PTPRN2: variants seen among roughly 807,000 people sequenced by gnomAD.
PTPRN2 encodes the protein receptor-type tyrosine-protein phosphatase N2.
In PTPRN2, 74 loss-of-function variants were observed where a neutral mutation model predicts 118.8. That is an observed-to-expected ratio of 0.62 (90% CI 0.52 to 0.76). PTPRN2 has a LOEUF of 0.76. Among genes scored for constraint, PTPRN2 ranks in the 30% least tolerant of loss-of-function variants. The pLI is 0.00. For missense variants in PTPRN2, 1,481 were observed against 1,394.4 expected, an observed-to-expected ratio of 1.06 and a Z score of -0.99; for synonymous variants, 641 against 608.0, an observed-to-expected ratio of 1.05 and a Z score of -0.80.
intron 11 of PTPRN2, among the ~76,000 whole-genome samples, chr7:157,970,766 C>A (rs1333993568): frequency 6.6e-6 from 1 of 151,918 alleles, no homozygotes; most frequent in South Asian, 2.1e-4. Context: ...GGAGTGGCTT[C>A]TGTGCCCAGC....
chr7:157,905,026 G>A (rs915195943), intron 11 of PTPRN2, among the ~76,000 whole-genome samples: 3 of 152,284 alleles, frequency 2.0e-5, no homozygotes, highest in Admixed American at 6.5e-5. Context: ...AAATGGCCGC[G>A]TGGATTCCCT....
chr7:158,512,869 G>A (rs1266675122), intron 1 of PTPRN2, among the ~76,000 whole-genome samples: 1 of 152,206 alleles, frequency 6.6e-6, no homozygotes, highest in East Asian at 1.9e-4. Context: ...GCCGAAGCTG[G>A]AACAATGTGA....
intron 1 of PTPRN2, among the ~76,000 whole-genome samples, chr7:158,538,334 C>G (rs539683400): frequency 6.6e-6 from 1 of 152,258 alleles, no homozygotes; most frequent in East Asian, 1.9e-4. Context: ...AAACACTAAC[C>G]CCAGTGGTTC....
intron 12 of PTPRN2, among the ~76,000 whole-genome samples, chr7:157,752,502 C>T (rs1214037504): frequency 6.6e-6 from 1 of 152,190 alleles, no homozygotes; most frequent in Non-Finnish European, 1.5e-5. Flanking sequence ...TGGCTGTCGC[C>T]CTTTTGTGCT....
chr7:158,523,089 T>C (rs1284657517), intron 1 of PTPRN2, among the ~76,000 whole-genome samples: 2 of 152,178 alleles, frequency 1.3e-5, no homozygotes, highest in African/African-American at 2.4e-5. Context: ...AAATGGGGTC[T>C]CAGAAGAACA....
Position 158,555,319 on chromosome 7 carries a change from A to G in PTPRN2, c.112+32239T>C, listed in dbSNP as rs1264955338. Among the ~76,000 whole-genome samples, 1 of 152,192 alleles carries G rather than the reference A, an allele frequency of 6.6e-6. No individual in the cohort carries two copies. The highest frequency in any genetic ancestry group is 1.5e-5 in the Non-Finnish European group (1 of 68,042). ...CTTAGGGCGCCAGTCAGGTCCTTCC[A>G]GGAGAAGGCGGCACCAAGCCCAGCG... On this transcript the variant is annotated intron_variant, in intron 1 of 22. Transcript: ENST00000389418. The surrounding 1 kb of genome is among the most constrained non-coding windows in gnomAD (Gnocchi z 4.7).
At chr7:157,772,661 C>T (rs1317712508) in intron 12 of PTPRN2, among the ~76,000 whole-genome samples, 20 of 152,234 alleles carry the variant, frequency 1.3e-4, no homozygotes, top group Admixed American at 1.3e-3. Context: ...CCAGGGCGAC[C>T]CCAGAGGACA....
intron 3 of PTPRN2, among the ~76,000 whole-genome samples, chr7:158,270,673 T>A (rs747618173): frequency 1.3e-5 from 2 of 151,630 alleles, no homozygotes; most frequent in South Asian, 2.1e-4. Flanking sequence ...TGGCTGTCCC[T>A]CTCCCTGGGA....
chr7:158,211,593 C>T (rs575389222), intron 3 of PTPRN2, among the ~76,000 whole-genome samples: 17 of 152,196 alleles, frequency 1.1e-4, no homozygotes, highest in African/African-American at 3.1e-4. Flanking sequence ...GACATTCAGA[C>T]GGCAAACAGG....
intron 14 of PTPRN2, among the ~76,000 whole-genome samples, chr7:157,650,547 G>C (rs966811966): frequency 1.3e-5 from 2 of 152,182 alleles, no homozygotes; most frequent in African/African-American, 4.8e-5. Context: ...ACCCGAGCCA[G>C]AGCGAGAACG....
intron 14 of PTPRN2, among the ~76,000 whole-genome samples, chr7:157,646,238 G>A (rs1444691656): frequency 1.3e-5 from 2 of 152,182 alleles, no homozygotes; most frequent in Non-Finnish European, 1.5e-5. Context: ...GGAAGTGGCT[G>A]GGTCACAGGG....
intron 1 of PTPRN2, 149 bp from the exon 2 acceptor site, chr7:158,489,934 A>G (rs1821321932): frequency 1.3e-6 from 1 of 757,710 alleles, no homozygotes; most frequent in Non-Finnish European, 2.1e-6. Flanking sequence ...GGGGCCGATT[A>G]TTCTGAAGCC....
chr7:158,022,606 AGG>A lies in PTPRN2; in HGVS notation c.1723+58690_1723+58691del, dbSNP rs1471014690. On this transcript the variant is annotated intron_variant, in intron 11 of 22. Coordinates refer to ENST00000389418, the MANE Select transcript of PTPRN2 (RefSeq NM_002847.5). The surrounding 1 kb of genome is among the most constrained non-coding windows in gnomAD (Gnocchi z 4.6). Reference sequence around the variant, plus strand: ...GCAGCCCGTAATGTGTTCATAGCCAAGGCCCCGGCACCCGGGCACTCTGTCTG... The same window carrying A: ...GCAGCCCGTAATGTGTTCATAGCCAACCCCGGCACCCGGGCACTCTGTCTG... Among the ~76,000 whole-genome samples the A allele has an allele frequency of 2.8e-5, 4 of 142,388 alleles. No individual in the cohort carries two copies. Among genetic ancestry groups the A allele is most frequent in the Non-Finnish European group, 4.6e-5 (3 of 64,926 alleles). 93.4% of individuals were successfully genotyped at this position (142,388 alleles called of 152,430 possible).
Position 158,166,416 on chromosome 7 carries a change from G to A in PTPRN2, c.910+515C>T, listed in dbSNP as rs1259997362. On this transcript the variant is annotated intron_variant, in intron 6 of 22. Transcript: ENST00000389418. ...CTCAGGATCATCTCCTCCTCCCCCCGGGTGCCGCGTTCCCTGTCCTCACAC... is the reference window on the plus strand; with the variant it reads ...CTCAGGATCATCTCCTCCTCCCCCCAGGTGCCGCGTTCCCTGTCCTCACAC... Among the ~76,000 whole-genome samples the A allele has an allele frequency of 4.2e-5, 3 of 70,872 alleles. 1 individual carries two copies. The highest frequency in any genetic ancestry group is 8.6e-5 in the Non-Finnish European group (3 of 34,818). 46.5% of individuals were successfully genotyped at this position (70,872 alleles called of 152,430 possible).
chr7:157,792,020 C>T (rs966725255), intron 12 of PTPRN2, among the ~76,000 whole-genome samples: 1 of 152,236 alleles, frequency 6.6e-6, no homozygotes, highest in Non-Finnish European at 1.5e-5. Context: ...CCCCTTTGCC[C>T]GGAGAGCCTG....
intron 1 of PTPRN2, among the ~76,000 whole-genome samples, chr7:158,557,537 C>T (rs1447545235): frequency 6.6e-6 from 1 of 152,366 alleles, no homozygotes; most frequent in South Asian, 2.1e-4. Context: ...AGGTCACGGC[C>T]GCCGCTCCGC....
rs1379348861 is a variant in PTPRN2 at position 158,331,699 on chromosome 7, C to T, written c.164-14767G>A. On this transcript the variant is annotated intron_variant, in intron 2 of 22. Transcript: ENST00000389418. ...CACCATAAGAGGTGACACTTGCAGA[C>T]GTCACTAACACCCACATTCTCACCA... Among the ~76,000 whole-genome samples the T allele has an allele frequency of 9.3e-5, 14 of 150,012 alleles. No homozygotes were observed. The East Asian group carries it at 9.8e-4, about 11-fold the overall frequency.
chr7:157,600,502 C>T (rs1286166452), intron 16 of PTPRN2, among the ~76,000 whole-genome samples: 1 of 152,146 alleles, frequency 6.6e-6, no homozygotes, highest in Non-Finnish European at 1.5e-5. Context: ...CTCACTGCAA[C>T]CTCTCCCTCC....
At chr7:158,188,855 A>G (rs1277935792) in intron 5 of PTPRN2, among the ~76,000 whole-genome samples, 4 of 152,162 alleles carry the variant, frequency 2.6e-5, no homozygotes, top group African/African-American at 9.7e-5. Context: ...TAAGCCAGGA[A>G]TGGAAAGACT....
Sources: allele counts gnomAD v4.1 joint callset (sites outside exome capture counted in the v4.1 genomes callset), GRCh38; gene constraint gnomAD v4.1.1; non-coding constraint Gnocchi (gnomAD v3.1); transcripts MANE v1.5; gene names NCBI Gene and HGNC (gene_info 2026-07-23, HGNC 2026-07-21).